Variants in AOC3 observed in about 807,000 individuals in gnomAD.
The protein encoded by AOC3 is amine oxidase [copper-containing] 3.
Under a neutral mutation model 55.4 loss-of-function variants are expected in AOC3, and 47 were observed. That is an observed-to-expected ratio of 0.85 (90% CI 0.67 to 1.08). The LOEUF is 1.08. Ranked by LOEUF, AOC3 falls within the 50% of genes least tolerant of loss-of-function variation. The pLI, the probability that AOC3 is intolerant of heterozygous loss-of-function variation, is 0.00. For synonymous variants in AOC3, 386 were observed against 410.7 expected (o/e 0.94, Z 0.73); for missense variants, 853 against 993.1 (o/e 0.86, Z 1.90).
At chr17:42,854,389 G>C in intron 1 of AOC3, 59 bp from the exon 2 acceptor site, 2 of 1,398,250 alleles carry the variant, frequency 1.4e-6, no homozygotes, top group Non-Finnish European at 1.9e-6. Context: ...GATGGGGGCA[G>C]AGTCCAGAGG....
At position 42,852,066 on chromosome 17, in the gene AOC3, C is replaced by T. The variant is rs777798074; in HGVS notation, c.723C>T (p.His241=). The change falls in exon 1 of 4, where the codon CAC becomes CAT. Residue 241 remains histidine (H), a synonymous_variant. Transcript: ENST00000308423. ...YNISGAGFFL[H]HVGLELLVNH... ...TCTCGGGCGCTGGGTTCTTCCTGCACCACGTGGGCTTGGAGCTGCTAGTGA... is the reference window on the plus strand; with the variant it reads ...TCTCGGGCGCTGGGTTCTTCCTGCATCACGTGGGCTTGGAGCTGCTAGTGA... The T allele has an allele frequency of 3.1e-6, 5 of 1,613,918 alleles. No homozygotes were observed. The African/African-American group carries it at 6.7e-5, about 22-fold the overall frequency.
chr17:42,854,783 A>G, intron 2 of AOC3, 50 bp downstream of exon 2: 2 of 1,416,078 alleles, frequency 1.4e-6, no homozygotes, highest in South Asian at 1.6e-5. Context: ...GTGGGAAAGG[A>G]GTGTTGGCGG....
Position 42,852,287 on chromosome 17 carries a change from A to G in AOC3, c.944A>G (p.Gln315Arg). Residue 315 changes from glutamine (Q) to arginine (R), a missense_variant, in exon 1 of 4, where the codon CAG (glutamine) becomes CGG (arginine). Coordinates refer to ENST00000308423, the MANE Select transcript of AOC3 (RefSeq NM_003734.4). Reference protein sequence around the residue: ...PVPPGPAPPLQFYPQGPRFSV... With the variant: ...PVPPGPAPPLRFYPQGPRFSV... ...CCCCCGGGTCCAGCTCCCCCTCTAC[A>G]GTTCTATCCCCAAGGCCCCCGCTTC... 1 of 1,613,862 alleles carries G rather than the reference A, an allele frequency of 6.2e-7. No individual in the cohort carries two copies. Among genetic ancestry groups the G allele is most frequent in the Non-Finnish European group, 8.5e-7 (1 of 1,179,960 alleles).
At position 42,856,546 on chromosome 17, in the gene AOC3, A is replaced by G; in HGVS notation, c.2288A>G (p.Asn763Ser). 6.3e-7 allele frequency: 1 copy of G among 1,588,136 alleles called. No individual in the cohort carries two copies. The highest frequency in any genetic ancestry group is 1.3e-5 in the African/African-American group (1 of 74,414). ...PAFSHGGFSH[N>S] ...TTCTCCCACGGGGGCTTCTCTCACA[A>G]CTAGGCGGTCCTGGGATGGGGCATG... The change falls in exon 4 of 4, where the codon AAC becomes AGC. Residue 763 changes from asparagine to serine, a missense_variant. By Grantham distance (46) the Asn-to-Ser change is conservative. Coordinates refer to ENST00000308423, the MANE Select transcript of AOC3 (RefSeq NM_003734.4).
rs749872618 is a variant in AOC3, at chr17:42,851,638, G to A, written c.295G>A (p.Val99Met). The A allele has an allele frequency of 6.2e-6, 10 of 1,613,074 alleles. No homozygotes were observed. The South Asian group carries it at 9.9e-5, about 16-fold the overall frequency. ...ARPSDNCVFSVELQLPPKAAA... is the reference protein window; with the variant it reads ...ARPSDNCVFSMELQLPPKAAA... ...GCCCTCGGACAACTGTGTCTTCTCA[G>A]TGGAGTTGCAGCTGCCTCCCAAGGC... The change falls in exon 1 of 4, where the codon GTG becomes ATG. Residue 99 changes from valine (V) to methionine (M), a missense_variant. Transcript: ENST00000308423.
In AOC3 at chr17:42,851,943, C is replaced by G. The variant is rs2055674261; in HGVS notation, c.600C>G (p.Phe200Leu). 2 of 1,613,766 alleles carry G rather than the reference C, an allele frequency of 1.2e-6. No individual in the cohort carries two copies. The highest frequency in any genetic ancestry group is 1.7e-6 in the Non-Finnish European group (2 of 1,179,904). The change falls in exon 1 of 4, where the codon TTC (phenylalanine) becomes TTG (leucine). Residue 200 changes from phenylalanine to leucine, a missense_variant. Physicochemically the swap from Phe to Leu is conservative, Grantham distance 22. Coordinates refer to ENST00000308423, the MANE Select transcript of AOC3 (RefSeq NM_003734.4). ...QASGLLHHCC[F>L]YKHRGRNLVT... ...CTGGGCTTCTCCACCACTGTTGCTT[C>G]TACAAGCACCGGGGACGGAACCTGG...
Position 42,851,685 on chromosome 17 carries a change from CA to C in AOC3, c.343del (p.Arg115GlyfsTer24), listed in dbSNP as rs747706046. 6.2e-7 allele frequency: 1 copy of C among 1,612,662 alleles called. No individual in the cohort carries two copies. Among genetic ancestry groups the C allele is most frequent in the Non-Finnish European group, 8.5e-7 (1 of 1,179,868 alleles). On this transcript the variant is annotated frameshift_variant, in exon 1 of 4. Coordinates refer to ENST00000308423, the MANE Select transcript of AOC3 (RefSeq NM_003734.4). LOFTEE classifies it high-confidence loss of function. Reference protein sequence around the residue: ...PKAAALAHLDRGSPPPAREAL... With the variant: ...PKAAALAHLDXGSPPPAREAL... ...AGGCTGCAGCCCTGGCTCACTTGGACAGGGGGAGCCCCCCACCTGCCCGGGA... is the reference window on the plus strand; with the variant it reads ...AGGCTGCAGCCCTGGCTCACTTGGACGGGGGAGCCCCCCACCTGCCCGGGA...
At chr17:42,853,473 G>T (rs750834729) in intron 1 of AOC3, 11 of 876,508 alleles carry the variant, frequency 1.3e-5, no homozygotes, top group South Asian at 5.1e-5. Context: ...CATGGATCCC[G>T]TGGAGCATTC....
In AOC3 at chr17:42,852,717, G is replaced by A. The variant is rs748004654; in HGVS notation, c.1374G>A (p.Thr458=). 31 of 1,614,088 alleles carry A rather than the reference G, an allele frequency of 1.9e-5. No individual in the cohort carries two copies. The highest frequency in any genetic ancestry group is 7.7e-5 in the South Asian group (7 of 91,094). Reference sequence around the variant, plus strand: ...ACTACTTTGGGGGTCTTGCGGAAACGGTGCTGGTCGTCAGATCTATGTCCA... The same window carrying A: ...ACTACTTTGGGGGTCTTGCGGAAACAGTGCTGGTCGTCAGATCTATGTCCA... ...YSHYFGGLAE[T]VLVVRSMSTL... The change falls in exon 1 of 4, where the codon ACG becomes ACA. Residue 458 remains threonine, a synonymous_variant. Coordinates refer to ENST00000308423, the MANE Select transcript of AOC3 (RefSeq NM_003734.4).
Position 42,852,860 on chromosome 17 carries a change from A to C in AOC3, c.1517A>C (p.Lys506Thr). Residue 506 changes from lysine (K) to threonine (T), a missense_variant, in exon 1 of 4, where the codon AAG (lysine) becomes ACG (threonine). By Grantham distance (78) the Lys-to-Thr change is moderately conservative (BLOSUM62 -1). Coordinates refer to ENST00000308423, the MANE Select transcript of AOC3 (RefSeq NM_003734.4). ...SSAFLFGATG[K>T]YGNQVSEHTL... The stretch of plus-strand genomic sequence containing the variant: ...GCATTCCTCTTTGGTGCTACTGGGA[A>C]GTACGGGAACCAAGTGTCAGAGCAC... 2 of 1,613,746 alleles carry C rather than the reference A, an allele frequency of 1.2e-6. No homozygotes were observed. Among genetic ancestry groups the C allele is most frequent in the East Asian group, 4.5e-5 (2 of 44,842 alleles).
At chr17:42,853,518 C>T (rs2055704557) in intron 1 of AOC3, among the ~76,000 whole-genome samples, 1 of 152,044 alleles carries the variant, frequency 6.6e-6, no homozygotes, top group African/African-American at 2.4e-5. Context: ...CAGAGAGAGC[C>T]AAGGCTACAT....
chr17:42,855,973 T>A (rs543088453), intron 3 of AOC3, among the ~76,000 whole-genome samples: 1 of 152,312 alleles, frequency 6.6e-6, no homozygotes, highest in African/African-American at 2.4e-5. Flanking sequence ...CCTTCTTTCC[T>A]CAGTTGTGGG....
rs768353768 is a variant in AOC3 at position 42,854,584 on chromosome 17, G to A, written c.1737G>A (p.Val579=). 1.9e-6 allele frequency: 3 copies of A among 1,609,588 alleles called. No homozygotes were observed. The highest frequency in any genetic ancestry group is 1.6e-4 in the Middle Eastern group (1 of 6,068). ...LEMEEQAAFL[V]GSATPRYLYL... ...TGGAGGAGCAGGCCGCCTTCCTCGT[G>A]GGAAGCGCCACCCCTCGCTACCTGT... The change falls in exon 2 of 4, where the codon GTG becomes GTA. Residue 579 remains valine, a synonymous_variant. Coordinates refer to ENST00000308423, the MANE Select transcript of AOC3 (RefSeq NM_003734.4).
At chr17:42,854,942 T>C (rs2055728935) in intron 2 of AOC3, among the ~76,000 whole-genome samples, 1 of 150,592 alleles carries the variant, frequency 6.6e-6, no homozygotes, top group African/African-American at 2.4e-5. Flanking sequence ...CGCCTCCCAG[T>C]TTCAAGCGAT....
chr17:42,856,234 C>T lies in AOC3; in HGVS notation c.2017-41C>T, dbSNP rs374228140. 1.0e-4 allele frequency: 163 copies of T among 1,601,576 alleles called. No individual in the cohort carries two copies. The African/African-American group carries it at 2.1e-3, about 20-fold the overall frequency. The stretch of plus-strand genomic sequence containing the variant: ...AATCCCTACCAGGGCATGTCCTCAG[C>T]AAAGCCAGACCTCGTGATCCTCTTT... On this transcript the variant is annotated intron_variant, in intron 3 of 3. Coordinates refer to ENST00000308423, the MANE Select transcript of AOC3 (RefSeq NM_003734.4).
At position 42,852,276 on chromosome 17, in the gene AOC3, T is replaced by G. The variant is rs1168047673; in HGVS notation, c.933T>G (p.Ala311=). 6.2e-6 allele frequency: 10 copies of G among 1,613,738 alleles called. No individual in the cohort carries two copies. The highest frequency in any genetic ancestry group is 2.2e-5 in the East Asian group (1 of 44,868). ...AGTCCCCTGTGCCCCCGGGTCCAGC[T>G]CCCCCTCTACAGTTCTATCCCCAAG... ...SLKSPVPPGP[A]PPLQFYPQGP... is the part of the protein sequence containing the mutation. Residue 311 remains alanine, a synonymous_variant, in exon 1 of 4, where the codon GCT becomes GCG. Transcript: ENST00000308423.
chr17:42,854,339 C>G, intron 1 of AOC3, 109 bp from the exon 2 acceptor site: 1 of 1,070,300 alleles, frequency 9.3e-7, no homozygotes, highest in East Asian at 2.9e-5. Flanking sequence ...GAGGGGCACA[C>G]TCAGTTCTGG....
chr17:42,856,320 G>A lies in AOC3; in HGVS notation c.2062G>A (p.Ala688Thr), dbSNP rs1019938494. ...VTAGFLHIPH[A>T]EDIPNTVTVG... is the part of the protein sequence containing the mutation. ...AGCTGGTTTTCTGCATATCCCACAT[G>A]CAGAGGACATTCCTAACACAGTGAC... The change falls in exon 4 of 4, where the codon GCA (alanine) becomes ACA (threonine). Residue 688 changes from alanine (A) to threonine (T), a missense_variant. By Grantham distance (58) the Ala-to-Thr change is moderately conservative. Transcript: ENST00000308423. 42 of 1,614,066 alleles carry A rather than the reference G, an allele frequency of 2.6e-5. No homozygotes were observed. The highest frequency in any genetic ancestry group is 5.0e-5 in the Admixed American group (3 of 60,008).
Position 42,854,726 on chromosome 17 carries a change from T to G in AOC3, c.1879T>G (p.Trp627Gly). 1 of 1,472,742 alleles carries G rather than the reference T, an allele frequency of 6.8e-7. No homozygotes were observed. 91.2% of individuals were successfully genotyped at this position (1,472,742 alleles called of 1,614,324 possible). The change falls in exon 2 of 4, where the codon TGG (tryptophan) becomes GGG (glycine). Residue 627 changes from tryptophan (W) to glycine (G), a missense_variant. Trp to Gly is a radical substitution (Grantham distance 184). Transcript: ENST00000308423. The stretch of plus-strand genomic sequence containing the variant: ...CAGCTCCATGGCGAGAGGCTTCAGC[T>G]GGGAGAGGTGAGTGGCGGGCAGTCA... ...QNSSMARGFSWERYQLAVTQR... is the reference protein window; with the variant it reads ...QNSSMARGFSGERYQLAVTQR...
Sources: allele counts gnomAD v4.1 joint callset (sites outside exome capture counted in the v4.1 genomes callset), GRCh38; gene constraint gnomAD v4.1.1; transcripts MANE v1.5; gene names NCBI Gene and HGNC (gene_info 2026-07-23, HGNC 2026-07-21).